Variants in TMPRSS11E observed in about 807,000 individuals in gnomAD.
TMPRSS11E encodes transmembrane protease serine 11E.
In TMPRSS11E, 38 loss-of-function variants were observed where a neutral mutation model predicts 48.1. The ratio of observed to expected loss-of-function variants is 0.79; its 90% CI spans 0.61 to 1.04. The LOEUF is 1.04. Among genes scored for constraint, TMPRSS11E ranks in the 50% least tolerant of loss-of-function variants. TMPRSS11E has a pLI of 0.00. For synonymous variants in TMPRSS11E, 158 were observed against 171.9 expected, an observed-to-expected ratio of 0.92 and a Z score of 0.63; for missense variants, 530 against 510.8, an observed-to-expected ratio of 1.04 and a Z score of -0.36.
Position 68,496,827 on chromosome 4 carries a change from G to C in TMPRSS11E, c.*23G>C. The C allele has an allele frequency of 6.3e-7, 1 of 1,579,106 alleles. No homozygotes were observed. Among genetic ancestry groups the C allele is most frequent in the Non-Finnish European group, 8.6e-7 (1 of 1,166,548 alleles). On this transcript the variant is annotated 3_prime_UTR_variant, in exon 10 of 10. Transcript: ENST00000305363. ...TAAGAGAGAAAAGCCTCATGGAACA[G>C]ATAACATTTTTTTTTGTTTTTTGGG...
intron 5 of TMPRSS11E, among the ~76,000 whole-genome samples, chr4:68,473,077 A>G (rs146202028): frequency 0.034 from 5,171 of 151,788 alleles, 307 homozygotes; most frequent in African/African-American, 0.12. Context: ...AAGGCTAATG[A>G]CTCTTTTTAT....
At chr4:68,495,812 C>T (rs1428766373) in intron 9 of TMPRSS11E, among the ~76,000 whole-genome samples, 5 of 151,982 alleles carry the variant, frequency 3.3e-5, no homozygotes, top group Admixed American at 3.3e-4. Flanking sequence ...AAAAATTAAC[C>T]TAGTTCTATG....
intron 1 of TMPRSS11E, among the ~76,000 whole-genome samples, chr4:68,455,639 A>G (rs1409162954): frequency 6.6e-6 from 1 of 151,982 alleles, no homozygotes; most frequent in Admixed American, 6.6e-5. Context: ...AGCAGCCACA[A>G]GAGTGTCTCT....
At chr4:68,461,434 C>T (rs542497782) in intron 1 of TMPRSS11E, among the ~76,000 whole-genome samples, 23 of 152,298 alleles carry the variant, frequency 1.5e-4, no homozygotes, top group African/African-American at 5.3e-4. Context: ...CCTGCAGTGT[C>T]TAACTCTATA....
At chr4:68,496,592 C>G (rs1337387450) in intron 9 of TMPRSS11E, 51 bp from the exon 10 acceptor site, 1 of 1,523,346 alleles carries the variant, frequency 6.6e-7, no homozygotes. Flanking sequence ...ATAGCCAATT[C>G]CTCTGTAATG....
In TMPRSS11E at chr4:68,478,451, C is replaced by CTTTTTTTTTTTT. The variant is rs377068765; in HGVS notation, c.968-388_968-377dup. On this transcript the variant is annotated intron_variant, in intron 8 of 9. Transcript: ENST00000305363. ...AAGCCACCGCACCCGGTATCCCCCGCTTTTTTTTTTTTTTTTTTTTTAAGA... is the reference window on the plus strand; with the variant it reads ...AAGCCACCGCACCCGGTATCCCCCGCTTTTTTTTTTTTTTTTTTTTTTTTTTTTTTTTTAAGA... Among the ~76,000 whole-genome samples the CTTTTTTTTTTTT allele has an allele frequency of 4.9e-4, 36 of 73,636 alleles. 5 individuals carry two copies. The highest frequency in any genetic ancestry group is 2.5e-3 in the East Asian group (4 of 1,602). The allele number at this position is 73,636 out of a possible 152,430, so 48.3% of individuals were successfully genotyped here.
At chr4:68,448,893 G>C (rs1450956625) in intron 1 of TMPRSS11E, among the ~76,000 whole-genome samples, 1 of 151,794 alleles carries the variant, frequency 6.6e-6, no homozygotes, top group East Asian at 1.9e-4. Flanking sequence ...AAAGGATTAA[G>C]TTTATTATTC....
rs374324908 is a variant in TMPRSS11E, at chr4:68,479,309, T to C, written c.1110+318T>C. On this transcript the variant is annotated intron_variant, in intron 9 of 9. Coordinates refer to ENST00000305363, the MANE Select transcript of TMPRSS11E (RefSeq NM_014058.4). The stretch of plus-strand genomic sequence containing the variant: ...TTCCCTCCTCCTACTATCCCTAACA[T>C]CTGGCAATCACTAATTTATTCTCCA... Among the ~76,000 whole-genome samples the C allele has an allele frequency of 1.3e-4, 20 of 152,176 alleles. No individual in the cohort carries two copies. The East Asian group carries it at 3.9e-3, about 29-fold the overall frequency.
chr4:68,477,260 A>T, intron 7 of TMPRSS11E, 109 bp from the exon 8 acceptor site: 1 of 1,146,624 alleles, frequency 8.7e-7, no homozygotes, highest in East Asian at 2.5e-5. Context: ...ATACATCAAA[A>T]CTATAAAAAG....
At chr4:68,459,310 G>C (rs1372784006) in intron 1 of TMPRSS11E, among the ~76,000 whole-genome samples, 1 of 150,656 alleles carries the variant, frequency 6.6e-6, no homozygotes, top group Non-Finnish European at 1.5e-5. Context: ...ATCTTCCTTA[G>C]TTTTTTTTTC....
rs144471150 is a variant in TMPRSS11E at position 68,496,674 on chromosome 4, A to T, written c.1142A>T (p.Asp381Val). 4 of 1,613,572 alleles carry T rather than the reference A, an allele frequency of 2.5e-6. No homozygotes were observed. The highest frequency in any genetic ancestry group is 3.4e-6 in the Non-Finnish European group (4 of 1,179,622). Reference sequence around the variant, plus strand: ...TCTGGAGGACCACTGGTTAGTTCAGATGCTAGAGATATCTGGTACCTTGCT... The same window carrying T: ...TCTGGAGGACCACTGGTTAGTTCAGTTGCTAGAGATATCTGGTACCTTGCT... ...GDSGGPLVSSDARDIWYLAGI... is the reference protein window; with the variant it reads ...GDSGGPLVSSVARDIWYLAGI... The change falls in exon 10 of 10, where the codon GAT (aspartate) becomes GTT (valine). Residue 381 changes from aspartate (D) to valine (V), a missense_variant. Asp to Val is a radical substitution (Grantham distance 152, BLOSUM62 -3). Coordinates refer to ENST00000305363, the MANE Select transcript of TMPRSS11E (RefSeq NM_014058.4).
At chr4:68,479,877 C>A (rs1307335575) in intron 9 of TMPRSS11E, among the ~76,000 whole-genome samples, 1 of 151,936 alleles carries the variant, frequency 6.6e-6, no homozygotes, top group Non-Finnish European at 1.5e-5. Context: ...GTGAAAAATT[C>A]TCTTAGATTT....
At chr4:68,463,196 A>G (rs1488440309) in intron 2 of TMPRSS11E, among the ~76,000 whole-genome samples, 1 of 152,212 alleles carries the variant, frequency 6.6e-6, no homozygotes, top group African/African-American at 2.4e-5. Flanking sequence ...ATTTCTGGAT[A>G]GTTTAAAAAA....
intron 9 of TMPRSS11E, among the ~76,000 whole-genome samples, chr4:68,483,850 T>C (rs1729477674): frequency 6.6e-6 from 1 of 152,218 alleles, no homozygotes; most frequent in South Asian, 2.1e-4. Flanking sequence ...TTTTTGCATA[T>C]GGCTAGCCAG....
At chr4:68,478,791 C>G in intron 8 of TMPRSS11E, 58 bp from the exon 9 acceptor site, 1 of 1,577,812 alleles carries the variant, frequency 6.3e-7, no homozygotes, top group Non-Finnish European at 8.7e-7. Context: ...GAAACATTTT[C>G]TTCAAGTTTA....
Position 68,483,281 on chromosome 4 carries a change from C to T in TMPRSS11E, c.1110+4290C>T, listed in dbSNP as rs1478356428. On this transcript the variant is annotated intron_variant, in intron 9 of 9. Coordinates refer to ENST00000305363, the MANE Select transcript of TMPRSS11E (RefSeq NM_014058.4). Reference sequence around the variant, plus strand: ...AGAGAGAGTGGGAGGAGGTGCCACACACTTTTAAACAACCAGATATCGTGA... The same window carrying T: ...AGAGAGAGTGGGAGGAGGTGCCACATACTTTTAAACAACCAGATATCGTGA... Among the ~76,000 whole-genome samples the T allele has an allele frequency of 2.0e-5, 3 of 152,110 alleles. No homozygotes were observed. The East Asian group carries it at 5.8e-4, about 29-fold the overall frequency.
At chr4:68,472,715 G>A (rs1729108312) in intron 5 of TMPRSS11E, among the ~76,000 whole-genome samples, 5 of 151,994 alleles carry the variant, frequency 3.3e-5, no homozygotes, top group Admixed American at 3.3e-4. Context: ...AGTAGTCAGG[G>A]ACAGATACAT....
intron 2 of TMPRSS11E, 135 bp from the exon 3 acceptor site, chr4:68,466,496 A>G (rs1304495455): frequency 2.4e-6 from 2 of 820,854 alleles, no homozygotes; most frequent in Non-Finnish European, 3.9e-6. Flanking sequence ...GGCCTGGGGC[A>G]GGATGATGAT....
Position 68,496,751 on chromosome 4 carries a change from T to C in TMPRSS11E, c.1219T>C (p.Tyr407His). The change falls in exon 10 of 10, where the codon TAT (tyrosine) becomes CAT (histidine). Residue 407 changes from tyrosine (Y) to histidine (H), a missense_variant. Physicochemically the swap from Tyr to His is moderately conservative, Grantham distance 83 (BLOSUM62 2). Coordinates refer to ENST00000305363, the MANE Select transcript of TMPRSS11E (RefSeq NM_014058.4). Reference protein sequence around the residue: ...ECAKPNKPGVYTRVTALRDWI... With the variant: ...ECAKPNKPGVHTRVTALRDWI... The stretch of plus-strand genomic sequence containing the variant: ...TGCGAAACCCAACAAGCCTGGTGTT[T>C]ATACTAGAGTTACGGCCTTGCGGGA... 1 of 1,613,656 alleles carries C rather than the reference T, an allele frequency of 6.2e-7. No homozygotes were observed. Among genetic ancestry groups the C allele is most frequent in the Non-Finnish European group, 8.5e-7 (1 of 1,179,670 alleles).
Sources: allele counts gnomAD v4.1 joint callset (sites outside exome capture counted in the v4.1 genomes callset), GRCh38; gene constraint gnomAD v4.1.1; transcripts MANE v1.5; gene names NCBI Gene and HGNC (gene_info 2026-07-23, HGNC 2026-07-21).